Variants in OXA1L observed in about 807,000 individuals in gnomAD.
OXA1L encodes mitochondrial inner membrane protein OXA1L.
OXA1L carries 42 observed loss-of-function variants against 52.2 expected under a neutral mutation model. The observed-to-expected ratio is 0.80, with a 90% confidence interval of 0.63 to 1.04. The LOEUF is 1.04. Among genes scored for constraint, OXA1L ranks in the 50% least tolerant of loss-of-function variants. OXA1L has a pLI of 0.00. For synonymous variants in OXA1L, 239 were observed against 201.9 expected, an observed-to-expected ratio of 1.18 and a Z score of -1.56; for missense variants, 572 against 555.0, an observed-to-expected ratio of 1.03 and a Z score of -0.31.
At chr14:22,767,013 C>A in intron 1 of OXA1L, 1 of 1,535,472 alleles carries the variant, frequency 6.5e-7, no homozygotes, top group South Asian at 1.2e-5. Flanking sequence ...CAGGGCCCTC[C>A]GATGTGGGTC....
intron 2 of OXA1L, 69 bp from the exon 3 acceptor site, chr14:22,767,889 T>C: frequency 1.6e-6 from 2 of 1,232,182 alleles, no homozygotes; most frequent in South Asian, 1.4e-5. Flanking sequence ...TACTGGTTAT[T>C]ATAAAAAGAT....
In OXA1L at chr14:22,768,075, G is replaced by C; in HGVS notation, c.343G>C (p.Gly115Arg). 1 of 1,614,002 alleles carries C rather than the reference G, an allele frequency of 6.2e-7. No homozygotes were observed. The highest frequency in any genetic ancestry group is 8.5e-7 in the Non-Finnish European group (1 of 1,179,838). Residue 115 changes from glycine to arginine, a missense_variant, in exon 3 of 10, where the codon GGG (glycine) becomes CGG (arginine). Around this residue, in one of 5 missense-constraint regions of OXA1L, gnomAD observed 186 missense variants for 151.8 expected, o/e 1.23. Coordinates refer to ENST00000612549, the MANE Select transcript of OXA1L (RefSeq NM_005015.5). ...TGCAGAGCAGAGCTTCGCTGAACTG[G>C]GGCTGGGGTCATACACCCCAGTGGG... ...TAAEQSFAEL[G>R]LGSYTPVGLI...
At position 22,771,291 on chromosome 14, in the gene OXA1L, C is replaced by T. The variant is rs148652894; in HGVS notation, c.1126C>T (p.Arg376Cys). 183 of 1,614,080 alleles carry T rather than the reference C, an allele frequency of 1.1e-4. No homozygotes were observed. Among genetic ancestry groups the T allele is most frequent in the Middle Eastern group, 3.3e-4 (2 of 6,084 alleles). ...AGGCTGGAAAAATGCTGAAATGACG[C>T]GTCAGCTGCGAGAGCGTGAACAACG... ...KKGWKNAEMT[R>C]QLREREQRMR... The change falls in exon 9 of 10, where the codon CGT becomes TGT. Residue 376 changes from arginine to cysteine, a missense_variant. Physicochemically the swap from Arg to Cys is radical, Grantham distance 180. Transcript: ENST00000612549.
At position 22,772,898 on chromosome 14, in the gene OXA1L, G is replaced by C. The variant is rs2038497040; in HGVS notation, c.*1340G>C. 1 of 170,258 alleles carries C rather than the reference G, an allele frequency of 5.9e-6. No individual in the cohort carries two copies. Among genetic ancestry groups the C allele is most frequent in the Non-Finnish European group, 1.3e-5 (1 of 78,908 alleles). 10.5% of individuals were successfully genotyped at this position (170,258 alleles called of 1,614,324 possible). A position where few individuals can be genotyped will look rare whatever the true frequency, so the allele number is the denominator to read the frequency against. Reference sequence around the variant, plus strand: ...CCAGCTACCTGGGAGGCTGAGGTGGGAGGATAGCTTAAGCCCAGGAGGTTG... The same window carrying C: ...CCAGCTACCTGGGAGGCTGAGGTGGCAGGATAGCTTAAGCCCAGGAGGTTG... On this transcript the variant is annotated 3_prime_UTR_variant, in exon 10 of 10. Coordinates refer to ENST00000612549, the MANE Select transcript of OXA1L (RefSeq NM_005015.5).
chr14:22,769,238 A>G (rs2038436513), intron 3 of OXA1L, among the ~76,000 whole-genome samples: 1 of 151,516 alleles, frequency 6.6e-6, no homozygotes, highest in African/African-American at 2.4e-5. Flanking sequence ...CCTTCCTTCT[A>G]CTCTCTGCCC....
rs377146206 is a variant in OXA1L at position 22,769,776 on chromosome 14, G to A, written c.440-15G>A. 1.9e-6 allele frequency: 3 copies of A among 1,613,964 alleles called. No homozygotes were observed. The highest frequency in any genetic ancestry group is 2.5e-6 in the Non-Finnish European group (3 of 1,179,964). On this transcript the variant is annotated splice_polypyrimidine_tract_variant and intron_variant, in intron 3 of 9. Coordinates refer to ENST00000612549, the MANE Select transcript of OXA1L (RefSeq NM_005015.5). The stretch of plus-strand genomic sequence containing the variant: ...CTGCTTTAATTTCACTCCAATCCTA[G>A]TTTGTATTTTCCAGGTACAGTCTTT...
intron 4 of OXA1L, 81 bp from the exon 5 acceptor site, chr14:22,770,112 A>T (rs1307667167): frequency 7.5e-7 from 1 of 1,334,032 alleles, no homozygotes; most frequent in East Asian, 2.3e-5. Flanking sequence ...TAGAAATTTC[A>T]CAGGCCAGGT....
At position 22,770,868 on chromosome 14, in the gene OXA1L, A is replaced by T; in HGVS notation, c.898A>T (p.Met300Leu). The change falls in exon 7 of 10, where the codon ATG becomes TTG. Residue 300 changes from methionine to leucine, a missense_variant. This residue lies in a region of OXA1L where 244 missense variants were observed against 240.2 expected (regional missense o/e 1.02). Coordinates refer to ENST00000612549, the MANE Select transcript of OXA1L (RefSeq NM_005015.5). ...GTGGATGAGAAATGTCATCAGAATGATGCCCCTGATAACCTTGCCCATAAC... is the reference window on the plus strand; with the variant it reads ...GTGGATGAGAAATGTCATCAGAATGTTGCCCCTGATAACCTTGCCCATAAC... ...LQWMRNVIRM[M>L]PLITLPITMH... 1 of 1,614,204 alleles carries T rather than the reference A, an allele frequency of 6.2e-7. No individual in the cohort carries two copies. Among genetic ancestry groups the T allele is most frequent in the Non-Finnish European group, 8.5e-7 (1 of 1,180,010 alleles).
In OXA1L at chr14:22,767,321, C is replaced by A. The variant is rs375425650; in HGVS notation, c.137C>A (p.Pro46Gln). Residue 46 changes from proline (P) to glutamine (Q), a missense_variant, in exon 2 of 10, where the codon CCG (proline) becomes CAG (glutamine). Pro to Gln is a moderately conservative substitution (Grantham distance 76). Transcript: ENST00000612549. ...LTTRLLFPAA[P>Q]CCCRPHYLFL... Reference sequence around the variant, plus strand: ...ACACGGCTCCTATTCCCAGCAGCCCCGTGCTGCTGTCGCCCACACTACCTC... The same window carrying A: ...ACACGGCTCCTATTCCCAGCAGCCCAGTGCTGCTGTCGCCCACACTACCTC... 4 of 1,613,490 alleles carry A rather than the reference C, an allele frequency of 2.5e-6. No individual in the cohort carries two copies. Among genetic ancestry groups the A allele is most frequent in the African/African-American group, 1.3e-5 (1 of 74,912 alleles).
rs902916308 is a variant in OXA1L, at chr14:22,767,980, C to T, written c.248C>T (p.Ala83Val). ...EVQVQAPPVV[A>V]ATPSPTAVPE... ...CAGGTTCAGGCCCCTCCTGTTGTTG[C>T]TGCAACTCCCTCACCCACAGCAGTA... The change falls in exon 3 of 10, where the codon GCT (alanine) becomes GTT (valine). Residue 83 changes from alanine (A) to valine (V), a missense_variant. Coordinates refer to ENST00000612549, the MANE Select transcript of OXA1L (RefSeq NM_005015.5). 1.2e-6 allele frequency: 2 copies of T among 1,612,642 alleles called. No homozygotes were observed. The highest frequency in any genetic ancestry group is 2.2e-5 in the East Asian group (1 of 44,850).
intron 8 of OXA1L, 28 bp from the exon 9 acceptor site, chr14:22,771,240 A>C: frequency 6.2e-7 from 1 of 1,613,346 alleles, no homozygotes; most frequent in Non-Finnish European, 8.5e-7. Context: ...TAGGAATGCA[A>C]CTGACTCTCT....
chr14:22,771,258 C>G lies in OXA1L; in HGVS notation c.1103-10C>G. 1 of 1,613,982 alleles carries G rather than the reference C, an allele frequency of 6.2e-7. No individual in the cohort carries two copies. Among genetic ancestry groups the G allele is most frequent in the East Asian group, 2.2e-5 (1 of 44,872 alleles). ...GAATGCAACTGACTCTCTTGCTTCT[C>G]TTTACACAGGCTGGAAAAATGCTGA... On this transcript the variant is annotated splice_polypyrimidine_tract_variant and intron_variant, in intron 8 of 9. Transcript: ENST00000612549.
chr14:22,768,915 T>G (rs1315864871), intron 3 of OXA1L: 2 of 152,072 alleles, frequency 1.3e-5, no homozygotes, highest in African/African-American at 4.8e-5. Context: ...ACACTTTTAT[T>G]TTATTTTTTA....
chr14:22,769,964 A>G (rs747927745), intron 4 of OXA1L, 30 bp downstream of exon 4: 1 of 1,612,552 alleles, frequency 6.2e-7, no homozygotes, highest in Admixed American at 1.7e-5. Flanking sequence ...AGCGTGGGAG[A>G]AGTCCACATT....
At chr14:22,770,073 A>G in intron 4 of OXA1L, 120 bp from the exon 5 acceptor site, 1 of 1,372,044 alleles carries the variant, frequency 7.3e-7, no homozygotes, top group Admixed American at 1.8e-5. Flanking sequence ...TCTTAGACCT[A>G]ATGCTCCCAA....
At chr14:22,769,970 A>C (rs1179570296) in intron 4 of OXA1L, 36 bp downstream of exon 4, 5 of 1,610,404 alleles carry the variant, frequency 3.1e-6, no homozygotes, top group Non-Finnish European at 4.2e-6. Context: ...GGAGAAGTCC[A>C]CATTTGCACT....
chr14:22,767,044 G>A (rs962633323), intron 1 of OXA1L: 9 of 1,536,130 alleles, frequency 5.9e-6, no homozygotes, highest in African/African-American at 4.1e-5. Flanking sequence ...GAGATGCGGG[G>A]AACCCAGGTT....
Position 22,771,624 on chromosome 14 carries a change from T to G in OXA1L, c.*66T>G. On this transcript the variant is annotated 3_prime_UTR_variant, in exon 10 of 10. Coordinates refer to ENST00000612549, the MANE Select transcript of OXA1L (RefSeq NM_005015.5). ...CAGAGACTCATCCTCAAAACAAGAC[T>G]TGACACTGTGTCCTTGCCCCAGTCC... 1 of 1,543,276 alleles carries G rather than the reference T, an allele frequency of 6.5e-7. No individual in the cohort carries two copies.
At chr14:22,767,662 A>G (rs144848078) in intron 2 of OXA1L, 82 of 506,912 alleles carry the variant, frequency 1.6e-4, no homozygotes, top group Admixed American at 2.9e-4. Context: ...TCATGTTAAT[A>G]TATGGCAAAA....
Sources: allele counts gnomAD v4.1 joint callset (sites outside exome capture counted in the v4.1 genomes callset), GRCh38; gene constraint gnomAD v4.1.1; regional missense constraint gnomAD v4.1.1; transcripts MANE v1.5; gene names NCBI Gene and HGNC (gene_info 2026-07-23, HGNC 2026-07-21).